VTI1A: variants seen among roughly 807,000 people sequenced by gnomAD.
VTI1A encodes vesicle transport through interaction with t-SNAREs homolog 1A.
VTI1A carries 22 observed loss-of-function variants against 34.9 expected under a neutral mutation model. The observed-to-expected ratio is 0.63, with a 90% CI of 0.45 to 0.90. The LOEUF (loss-of-function observed/expected upper bound fraction) is 0.90. VTI1A is among the 40% of genes least tolerant of loss of function. VTI1A has a pLI of 0.00. For missense variants in VTI1A, 268 were observed against 275.6 expected (o/e 0.97, Z 0.20); for synonymous variants, 87 against 97.3 (o/e 0.89, Z 0.62).
the VTI1A span, among the ~76,000 whole-genome samples, chr10:112,828,733 T>G: frequency 4.6e-5 from 7 of 151,588 alleles, no homozygotes; most frequent in East Asian, 9.8e-4. Context: ...TAAATAGAGC[T>G]GGGCATGGTG....
At chr10:112,754,970 T>C (rs1851229002) in intron 7 of VTI1A, among the ~76,000 whole-genome samples, 1 of 152,196 alleles carries the variant, frequency 6.6e-6, no homozygotes, top group Admixed American at 6.5e-5. Flanking sequence ...AAGATAGGTT[T>C]GCTTAGCTGG....
Position 112,538,348 on chromosome 10 carries a change from G to A in VTI1A, c.427+18G>A. The stretch of plus-strand genomic sequence containing the variant: ...GGAAACCGGTAAGAATTCTGAGAGT[G>A]AGCAAATTGTCTTGCTTATGCACAG... On this transcript the variant is annotated intron_variant, in intron 5 of 7. Coordinates refer to ENST00000393077, the MANE Select transcript of VTI1A (RefSeq NM_145206.4). 6.2e-7 allele frequency: 1 copy of A among 1,610,432 alleles called. No homozygotes were observed. The highest frequency in any genetic ancestry group is 8.5e-7 in the Non-Finnish European group (1 of 1,176,878).
chr10:112,584,615 A>G (rs1239914872), intron 5 of VTI1A, among the ~76,000 whole-genome samples: 1 of 152,238 alleles, frequency 6.6e-6, no homozygotes, highest in African/African-American at 2.4e-5. Context: ...GACCCAATTC[A>G]AATTGTGACC....
rs957522146 is a variant in VTI1A at position 112,466,181 on chromosome 10, C to T, written c.264+1524C>T. 5.9e-5 allele frequency among the ~76,000 whole-genome samples: 9 copies of T among 152,262 alleles called. No homozygotes were observed. The East Asian group carries it at 7.7e-4, about 13-fold the overall frequency. ...AGTCAAGAATGTTTAAGGATCTTTCCGCCTCAGTTCTTGCCTTAGGTGTTT... is the reference window on the plus strand; with the variant it reads ...AGTCAAGAATGTTTAAGGATCTTTCTGCCTCAGTTCTTGCCTTAGGTGTTT... On this transcript the variant is annotated intron_variant, in intron 3 of 7. Transcript: ENST00000393077.
intron 7 of VTI1A, among the ~76,000 whole-genome samples, chr10:112,773,488 C>A (rs1851871622): frequency 6.6e-6 from 1 of 152,162 alleles, no homozygotes; most frequent in South Asian, 2.1e-4. Flanking sequence ...CATAAACTAT[C>A]CTGTGCTAGC....
At chr10:112,608,397 A>G (rs765274581) in intron 5 of VTI1A, among the ~76,000 whole-genome samples, 12 of 152,318 alleles carry the variant, frequency 7.9e-5, no homozygotes, top group Admixed American at 3.3e-4. Flanking sequence ...AGGAAGCTGT[A>G]TAAATAATTT....
Position 112,773,852 on chromosome 10 carries a change from G to A in VTI1A, c.561-41438G>A, listed in dbSNP as rs1851881594. The stretch of plus-strand genomic sequence containing the variant: ...TATCTTATCTGGGGTGGGCAGCAGA[G>A]AGCCAGTGGATGTGAAGATATTGGG... On this transcript the variant is annotated intron_variant, in intron 7 of 7. Coordinates refer to ENST00000393077, the MANE Select transcript of VTI1A (RefSeq NM_145206.4). 1.3e-5 allele frequency among the ~76,000 whole-genome samples: 2 copies of A among 152,204 alleles called. 1 individual carries two copies. Among genetic ancestry groups the A allele is most frequent in the Admixed American group, 1.3e-4 (2 of 15,280 alleles).
At chr10:112,494,532 C>A (rs887780424) in intron 3 of VTI1A, among the ~76,000 whole-genome samples, 4 of 151,906 alleles carry the variant, frequency 2.6e-5, no homozygotes, top group Admixed American at 6.6e-5. Context: ...TTTCCTCCTC[C>A]TTTCCTCGCT....
At chr10:112,745,041 G>C (rs1307155457) in intron 7 of VTI1A, among the ~76,000 whole-genome samples, 1 of 152,088 alleles carries the variant, frequency 6.6e-6, no homozygotes, top group Admixed American at 6.6e-5. Context: ...AATACTACAG[G>C]CACCATAAAA....
downstream of VTI1A, among the ~76,000 whole-genome samples, chr10:112,820,422 A>G (rs1317524059): frequency 2.6e-5 from 4 of 152,346 alleles, no homozygotes; most frequent in East Asian, 5.8e-4. Context: ...CTAGCCCCCA[A>G]GAGATATTCT....
At chr10:112,448,057 G>A (rs2133995503) in intron 1 of VTI1A, among the ~76,000 whole-genome samples, 1 of 152,256 alleles carries the variant, frequency 6.6e-6, no homozygotes, top group Non-Finnish European at 1.5e-5. Context: ...TAAAATAAAA[G>A]TTGTGCCTCT....
At chr10:112,620,098 G>A (rs532466581) in intron 5 of VTI1A, among the ~76,000 whole-genome samples, 1 of 152,254 alleles carries the variant, frequency 6.6e-6, no homozygotes, top group Non-Finnish European at 1.5e-5. Context: ...TTTTAAGCCT[G>A]GTAAGTAACT....
At chr10:112,691,112 T>A (rs1015999377) in intron 7 of VTI1A, among the ~76,000 whole-genome samples, 3 of 151,834 alleles carry the variant, frequency 2.0e-5, no homozygotes, top group African/African-American at 4.8e-5. Flanking sequence ...TACAAAAAAA[T>A]TAGCCAGGCA....
At position 112,765,989 on chromosome 10, in the gene VTI1A, T is replaced by C. The variant is rs144747919; in HGVS notation, c.561-49301T>C. On this transcript the variant is annotated intron_variant, in intron 7 of 7. Transcript: ENST00000393077. ...TGAGCTGAGGTATGAAGGCATTACCTAGATGCTTCTGTCACAGAAAAGAGC... is the reference window on the plus strand; with the variant it reads ...TGAGCTGAGGTATGAAGGCATTACCCAGATGCTTCTGTCACAGAAAAGAGC... 4.4e-4 allele frequency among the ~76,000 whole-genome samples: 67 copies of C among 152,292 alleles called. 1 individual carries two copies. The East Asian group carries it at 0.012, about 28-fold the overall frequency.
intron 7 of VTI1A, among the ~76,000 whole-genome samples, chr10:112,732,541 C>T (rs1245946631): frequency 2.0e-5 from 3 of 152,156 alleles, no homozygotes; most frequent in Non-Finnish European, 4.4e-5. Flanking sequence ...CCAGACAAGC[C>T]CGGTCGTTTC....
chr10:112,833,650 T>C, the VTI1A span, among the ~76,000 whole-genome samples: 2 of 152,206 alleles, frequency 1.3e-5, no homozygotes, highest in African/African-American at 4.8e-5. Flanking sequence ...CTTTGAGCCA[T>C]TTATTATGGC....
At chr10:112,838,758 C>A in the VTI1A span, among the ~76,000 whole-genome samples, 2 of 152,190 alleles carry the variant, frequency 1.3e-5, no homozygotes, top group Non-Finnish European at 2.9e-5. Context: ...GCATCTGGCG[C>A]CACGGAAGTG....
intron 7 of VTI1A, among the ~76,000 whole-genome samples, chr10:112,812,134 A>G (rs1348021619): frequency 1.3e-5 from 2 of 152,256 alleles, no homozygotes; most frequent in African/African-American, 4.8e-5. Flanking sequence ...CTCACTTAAT[A>G]GAATGCAGCA....
At chr10:112,845,558 G>A in the VTI1A span, among the ~76,000 whole-genome samples, 1 of 152,156 alleles carries the variant, frequency 6.6e-6, no homozygotes, top group Non-Finnish European at 1.5e-5. Context: ...ACCCACAAAC[G>A]GGAGAAGCGG....
Sources: allele counts gnomAD v4.1 joint callset (sites outside exome capture counted in the v4.1 genomes callset), GRCh38; gene constraint gnomAD v4.1.1; transcripts MANE v1.5; gene names NCBI Gene and HGNC (gene_info 2026-07-23, HGNC 2026-07-21).